The following KCNMA1 variants were observed in gnomAD, a reference collection of about 807,000 sequenced individuals.
The protein encoded by KCNMA1 is Calcium-activated potassium channel subunit alpha-1.
A neutral mutation model predicts 140.0 loss-of-function variants in KCNMA1; 29 were observed. That is an observed-to-expected ratio of 0.21 (90% CI 0.15 to 0.28). KCNMA1 has a LOEUF of 0.28. KCNMA1 is among the 10% of genes least tolerant of loss of function. KCNMA1 has a pLI of 1.00. For missense variants in KCNMA1, 880 were observed against 1,602.2 expected (o/e 0.55, Z 7.70); for synonymous variants, 612 against 611.9 (o/e 1.00, Z 0.00).
At chr10:77,320,419 A>G (rs2082036435) in intron 2 of KCNMA1, among the ~76,000 whole-genome samples, 1 of 152,168 alleles carries the variant, frequency 6.6e-6, no homozygotes, top group Admixed American at 6.5e-5. Context: ...CCTAATTGGA[A>G]TGTGGCTCTG....
At chr10:77,621,374 G>A (rs2091309293) in intron 1 of KCNMA1, among the ~76,000 whole-genome samples, 1 of 152,130 alleles carries the variant, frequency 6.6e-6, no homozygotes, top group African/African-American at 2.4e-5. Context: ...TTTGAGATAT[G>A]AGCATATCTC....
intron 2 of KCNMA1, among the ~76,000 whole-genome samples, chr10:77,333,754 A>G (rs938907067): frequency 6.6e-6 from 1 of 152,208 alleles, no homozygotes; most frequent in African/African-American, 2.4e-5. Flanking sequence ...GTTGCCTCAG[A>G]CTACTACGGA....
At chr10:77,015,987 C>T (rs973716170) in intron 17 of KCNMA1, among the ~76,000 whole-genome samples, 1 of 152,158 alleles carries the variant, frequency 6.6e-6, no homozygotes, top group Non-Finnish European at 1.5e-5. Context: ...TCAAAATATA[C>T]ATCAGATCAG....
chr10:77,213,001 T>G (rs995547419), intron 3 of KCNMA1, among the ~76,000 whole-genome samples: 4 of 152,204 alleles, frequency 2.6e-5, no homozygotes, highest in Non-Finnish European at 5.9e-5. Flanking sequence ...TGCCGACGTA[T>G]GCATAGTTCT....
chr10:77,096,562 C>T (rs2096937909), intron 9 of KCNMA1, among the ~76,000 whole-genome samples: 1 of 152,168 alleles, frequency 6.6e-6, no homozygotes, highest in African/African-American at 2.4e-5. Flanking sequence ...CAGAGCCTCG[C>T]TCTAGGAAGA....
chr10:77,018,341 T>A (rs1329393047), intron 17 of KCNMA1, among the ~76,000 whole-genome samples: 1 of 152,204 alleles, frequency 6.6e-6, no homozygotes, highest in Non-Finnish European at 1.5e-5. Context: ...TGCTAGTAAA[T>A]TTCTCCAAGT....
At chr10:76,941,069 AAAAGAAAGAAAGAAAGAG>A (rs2062024025) in intron 23 of KCNMA1, among the ~76,000 whole-genome samples, 2 of 68,750 alleles carry the variant, frequency 2.9e-5, no homozygotes, top group African/African-American at 1.1e-4. Context: ...GAAAGAAAGA[AAAAGAAAGAAAGAAAGAG>A]AAAGAAAGAA....
intron 1 of KCNMA1, among the ~76,000 whole-genome samples, chr10:77,604,950 C>T (rs1251967298): frequency 6.6e-6 from 1 of 151,580 alleles, no homozygotes; most frequent in African/African-American, 2.4e-5. Context: ...CCCATAAAGA[C>T]TCTGGAACAT....
chr10:77,230,167 T>C (rs1002917421), intron 3 of KCNMA1, among the ~76,000 whole-genome samples: 5 of 152,208 alleles, frequency 3.3e-5, no homozygotes, highest in African/African-American at 1.2e-4. Context: ...GAAAGCATTA[T>C]GTCAATGAAG....
chr10:77,218,659 ATAT>A (rs2048574194), intron 3 of KCNMA1, among the ~76,000 whole-genome samples: 1 of 152,188 alleles, frequency 6.6e-6, no homozygotes, highest in Non-Finnish European at 1.5e-5. Context: ...ATTTCAAAAT[ATAT>A]GAGACTGTTG....
chr10:77,527,801 G>A (rs12764511), intron 1 of KCNMA1, among the ~76,000 whole-genome samples: 1 of 152,154 alleles, frequency 6.6e-6, no homozygotes, highest in African/African-American at 2.4e-5. Context: ...ACAGGGTGGA[G>A]GGTGGCTGAG....
chr10:77,241,618 A>G (rs1317691821), intron 3 of KCNMA1, among the ~76,000 whole-genome samples: 1 of 152,110 alleles, frequency 6.6e-6, no homozygotes. Context: ...ACTGCACTCC[A>G]GTCTGGGAAA....
intron 2 of KCNMA1, among the ~76,000 whole-genome samples, chr10:77,287,776 C>T (rs2071570751): frequency 6.6e-6 from 1 of 152,216 alleles, no homozygotes; most frequent in South Asian, 2.1e-4. Flanking sequence ...ACCTCACACA[C>T]ATTAACTCAA....
At chr10:76,951,115 G>A (rs1459172583) in intron 21 of KCNMA1, among the ~76,000 whole-genome samples, 2 of 152,160 alleles carry the variant, frequency 1.3e-5, no homozygotes, top group Non-Finnish European at 2.9e-5. Flanking sequence ...TGGGCCCAGG[G>A]TGGAAGTGAA....
At chr10:77,366,708 T>A (rs1433905261) in intron 2 of KCNMA1, among the ~76,000 whole-genome samples, 1 of 152,118 alleles carries the variant, frequency 6.6e-6, no homozygotes, top group Non-Finnish European at 1.5e-5. Context: ...ACATTACAAG[T>A]CCACTCTACA....
chr10:77,450,418 A>T (rs1033559289), intron 1 of KCNMA1, among the ~76,000 whole-genome samples: 11 of 152,172 alleles, frequency 7.2e-5, no homozygotes, highest in Non-Finnish European at 1.6e-4. Context: ...ACCAATATAC[A>T]TATTAACATT....
chr10:77,411,819 C>A (rs1357593741), intron 1 of KCNMA1, among the ~76,000 whole-genome samples: 1 of 152,206 alleles, frequency 6.6e-6, no homozygotes, highest in Non-Finnish European at 1.5e-5. Flanking sequence ...CATAAATTCA[C>A]CCTTCGTGGA....
chr10:77,094,062 A>G (rs1446712806), intron 9 of KCNMA1, among the ~76,000 whole-genome samples: 3 of 152,224 alleles, frequency 2.0e-5, no homozygotes, highest in Non-Finnish European at 4.4e-5. Context: ...GAGATGATAC[A>G]TGGAAGGGCC....
rs375397015 is a variant in KCNMA1 at position 77,110,381 on chromosome 10, T to C, written c.961-38A>G. The stretch of plus-strand genomic sequence containing the variant: ...GGACAGGGGAGAAAAAAGAAAAACA[T>C]GCTATTGAAGTGTATACATGCAATA... On this transcript the variant is annotated intron_variant, in intron 7 of 27. Transcript: ENST00000286628. The C allele has an allele frequency of 4.5e-5, 71 of 1,573,218 alleles. No individual in the cohort carries two copies. In the African/African-American group the frequency reaches 7.3e-4, roughly 16 times the overall value.
Sources: allele counts gnomAD v4.1 joint callset (sites outside exome capture counted in the v4.1 genomes callset), GRCh38; gene constraint gnomAD v4.1.1; transcripts MANE v1.5; gene names NCBI Gene and HGNC (gene_info 2026-07-23, HGNC 2026-07-21).